OVAAL: variants seen among roughly 807,000 people sequenced by gnomAD.
OVAAL encodes ovarian adenocarcinoma amplified long non-coding RNA, also known as long intergenic non-protein coding RNA 1131.
exon 3 of OVAAL, chr1:180,566,143 G>A (rs1360978199): frequency 6.6e-6 from 1 of 152,348 alleles, no homozygotes; most frequent in South Asian, 2.1e-4. Context: ...TGTCTATCGA[G>A]CAGATGTGCA....
At chr1:180,562,386 T>C (rs1055163102) in intron 2 of OVAAL, 1 of 152,180 alleles carries the variant, frequency 6.6e-6, no homozygotes, top group African/African-American at 2.4e-5. Flanking sequence ...ATACTGTGAA[T>C]GATGTTACCT....
At chr1:180,565,271 T>C (rs12562357) in exon 3 of OVAAL, 31,734 of 152,414 alleles carry the variant, frequency 0.21, 4,776 homozygotes, top group African/African-American at 0.42. Flanking sequence ...TTCAGACCCA[T>C]CAAGTGGCCA....
intron 2 of OVAAL, among the ~76,000 whole-genome samples, chr1:180,564,444 T>TAACTAGTTA (rs1165162732): frequency 1.3e-5 from 2 of 152,170 alleles, no homozygotes; most frequent in Non-Finnish European, 2.9e-5. Context: ...TAGACTAGTT[T>TAACTAGTTA]AACTAGTCTA....
intron 1 of OVAAL, among the ~76,000 whole-genome samples, chr1:180,559,279 C>T (rs1394911846): frequency 1.3e-5 from 2 of 152,106 alleles, no homozygotes; most frequent in East Asian, 3.8e-4. Context: ...TTGGAACCTC[C>T]TAGAGACTTG....
At chr1:180,565,514 G>A (rs550640946) in exon 3 of OVAAL, 3 of 152,338 alleles carry the variant, frequency 2.0e-5, no homozygotes, top group East Asian at 3.9e-4. Context: ...CAGCAGAAAG[G>A]GGTAGCAGTG....
chr1:180,559,672 C>T (rs1259371761), intron 1 of OVAAL, among the ~76,000 whole-genome samples: 2 of 152,220 alleles, frequency 1.3e-5, no homozygotes, highest in African/African-American at 2.4e-5. Context: ...CTTTGGGAGG[C>T]CGAGGTGGGT....
chr1:180,560,960 G>A (rs1653190672), intron 1 of OVAAL, among the ~76,000 whole-genome samples: 1 of 152,130 alleles, frequency 6.6e-6, no homozygotes. Flanking sequence ...GGTTTTATAT[G>A]GTAAGTCATC....
chr1:180,566,236 G>A (rs934206494), exon 3 of OVAAL: 3 of 152,272 alleles, frequency 2.0e-5, no homozygotes, highest in African/African-American at 7.2e-5. Context: ...AACTGCACAA[G>A]CTGTGTCTTC....
chr1:180,562,150 T>C (rs1053789563), intron 1 of OVAAL: 1 of 152,278 alleles, frequency 6.6e-6, no homozygotes, highest in Non-Finnish European at 1.5e-5. Flanking sequence ...TGGAAATCAG[T>C]AGGTATGGAG....
chr1:180,566,042 T>C (rs942332529), exon 3 of OVAAL: 2 of 152,202 alleles, frequency 1.3e-5, no homozygotes, highest in Non-Finnish European at 2.9e-5. Flanking sequence ...AATCAAACAA[T>C]AGGCTAGTGC....
exon 3 of OVAAL, chr1:180,565,786 A>C (rs1032945405): frequency 3.9e-5 from 6 of 152,164 alleles, no homozygotes; most frequent in African/African-American, 1.4e-4. Context: ...CCTGGAGCCT[A>C]TGAATCTTAC....
chr1:180,564,737 C>T (rs1025686574), intron 2 of OVAAL, among the ~76,000 whole-genome samples: 3 of 152,078 alleles, frequency 2.0e-5, no homozygotes, highest in Non-Finnish European at 2.9e-5. Flanking sequence ...CTTCTCCCTG[C>T]TCGATGTTCA....
exon 3 of OVAAL, chr1:180,565,606 G>A (rs920664806): frequency 7.2e-5 from 11 of 152,100 alleles, no homozygotes; most frequent in African/African-American, 1.9e-4. Context: ...CTCCTGCTTC[G>A]TTTGGAATTC....
intron 2 of OVAAL, among the ~76,000 whole-genome samples, chr1:180,565,042 A>G (rs745341356): frequency 6.6e-6 from 1 of 152,188 alleles, no homozygotes; most frequent in Non-Finnish European, 1.5e-5. Flanking sequence ...CCCAGAAAAT[A>G]TGACTGGAGC....
At chr1:180,561,288 C>A (rs772897640) in intron 1 of OVAAL, among the ~76,000 whole-genome samples, 10 of 152,160 alleles carry the variant, frequency 6.6e-5, no homozygotes, top group Non-Finnish European at 8.8e-5. Context: ...TACTTAGTGG[C>A]AGCCCCAGCT....
At chr1:180,561,737 T>G (rs781323988) in intron 1 of OVAAL, among the ~76,000 whole-genome samples, 3 of 151,912 alleles carry the variant, frequency 2.0e-5, no homozygotes, top group Non-Finnish European at 4.4e-5. Flanking sequence ...TTAATTAGAG[T>G]TCTGGCCAGG....
intron 2 of OVAAL, among the ~76,000 whole-genome samples, chr1:180,563,832 C>G (rs1345265663): frequency 6.6e-6 from 1 of 152,134 alleles, no homozygotes; most frequent in Non-Finnish European, 1.5e-5. Flanking sequence ...TATCAGGAAG[C>G]TGATGATCAC....
exon 3 of OVAAL, chr1:180,566,433 T>C (rs1302410361): frequency 6.6e-6 from 1 of 152,250 alleles, no homozygotes; most frequent in Admixed American, 6.5e-5. Flanking sequence ...GGCTAAGATA[T>C]GTATAACACT....
At chr1:180,566,410 T>C (rs1653288344) in exon 3 of OVAAL, 1 of 152,270 alleles carries the variant, frequency 6.6e-6, no homozygotes, top group Non-Finnish European at 1.5e-5. Context: ...CAGTCAGTGT[T>C]TTCTTGTACC....
Sources: gnomAD v4.1 joint callset for allele counts (sites outside exome capture counted in the v4.1 genomes callset) on GRCh38, gnomAD v4.1.1 for gene constraint, MANE v1.5 for transcripts, NCBI Gene and HGNC (gene_info 2026-07-23, HGNC 2026-07-21) for gene names.